The following L3MBTL1 variants were observed in gnomAD, a reference collection of about 807,000 sequenced individuals.
L3MBTL1 encodes L3MBTL histone methyl-lysine binding protein 1.
In L3MBTL1, 75 loss-of-function variants were observed where a neutral mutation model predicts 105.3. That is an observed-to-expected ratio of 0.71 (90% CI 0.59 to 0.86). L3MBTL1 has a LOEUF of 0.86. Ranked by LOEUF, L3MBTL1 falls within the 40% of genes least tolerant of loss-of-function variation. L3MBTL1 has a pLI of 0.00. For missense variants in L3MBTL1, 1,069 were observed against 1,126.4 expected (o/e 0.95, Z 0.73); for synonymous variants, 452 against 436.2 (o/e 1.04, Z -0.45).
rs764113128 is a variant in L3MBTL1 at position 43,533,350 on chromosome 20, C to A, written c.1445C>A (p.Pro482His). 2 of 1,613,578 alleles carry A rather than the reference C, an allele frequency of 1.2e-6. No homozygotes were observed. Among genetic ancestry groups the A allele is most frequent in the African/African-American group, 1.3e-5 (1 of 74,886 alleles). The stretch of plus-strand genomic sequence containing the variant: ...ATGTTCTTGGATTTCAGGTGTGATC[C>A]CAGCAGCCCCTACATCCACCCAGTG... ...WDDTYDYWCD[P>H]SSPYIHPVGW... is the part of the protein sequence containing the mutation. Residue 482 changes from proline to histidine, a missense_variant, in exon 13 of 22, where the codon CCC becomes CAC. By Grantham distance (77) the Pro-to-His change is moderately conservative. Coordinates refer to ENST00000418998, the MANE Select transcript of L3MBTL1 (RefSeq NM_001377303.1).
rs530187269 is a variant in L3MBTL1 at position 43,532,758 on chromosome 20, CT to C, written c.1285-8del. 1.2e-6 allele frequency: 2 copies of C among 1,613,910 alleles called. No individual in the cohort carries two copies. Among genetic ancestry groups the C allele is most frequent in the Non-Finnish European group, 1.7e-6 (2 of 1,179,826 alleles). The stretch of plus-strand genomic sequence containing the variant: ...AGCTTGGCCCTGGCCGTGGCAGCTC[CT>C]TTTTTTCCCCTAGAGTCCCCCACCC... On this transcript the variant is annotated splice_polypyrimidine_tract_variant and intron_variant, in intron 11 of 21. Transcript: ENST00000418998.
At position 43,536,421 on chromosome 20, in the gene L3MBTL1, T is replaced by A. The variant is rs2019627946; in HGVS notation, c.2136T>A (p.Pro712=). The A allele has an allele frequency of 6.2e-7, 1 of 1,613,924 alleles. No homozygotes were observed. Among genetic ancestry groups the A allele is most frequent in the Non-Finnish European group, 8.5e-7 (1 of 1,180,044 alleles). The part of the protein sequence containing the change: ...KPRHHGRIGR[P]PKYRKIPQED... ...CGTCTTTCTCCAGAATTGGACGCCC[T>A]CCGAAGTATCGAAAGATTCCGCAGG... The change falls in exon 19 of 22, where the codon CCT becomes CCA. Residue 712 remains proline, a synonymous_variant. Coordinates refer to ENST00000418998, the MANE Select transcript of L3MBTL1 (RefSeq NM_001377303.1).
At chr20:43,526,789 A>G (rs1053122561) in intron 7 of L3MBTL1, among the ~76,000 whole-genome samples, 1 of 152,208 alleles carries the variant, frequency 6.6e-6, no homozygotes, top group African/African-American at 2.4e-5. Context: ...CGTCTCTACT[A>G]AAGATTTAAA....
rs2019485096 is a variant in L3MBTL1 at position 43,534,191 on chromosome 20, C to T, written c.1600-93C>T. On this transcript the variant is annotated intron_variant, in intron 14 of 21. Coordinates refer to ENST00000418998, the MANE Select transcript of L3MBTL1 (RefSeq NM_001377303.1). ...CCTAGCCTTCCCCTTTGGGCAGGCC[C>T]CAGTTTCCCCAGGCACAGCATTTGG... 2.6e-5 allele frequency: 39 copies of T among 1,517,128 alleles called. 1 individual carries two copies. Among genetic ancestry groups the T allele is most frequent in the East Asian group, 4.5e-5 (2 of 44,218 alleles). 94.0% of individuals were successfully genotyped at this position (1,517,128 alleles called of 1,614,324 possible). A position where few individuals can be genotyped will look rare whatever the true frequency, so the allele number is the denominator to read the frequency against.
chr20:43,550,070 G>A (rs1978885752), exon 19 of L3MBTL1: 1 of 152,168 alleles, frequency 6.6e-6, no homozygotes, highest in African/African-American at 2.4e-5. Flanking sequence ...ACACAGCGAA[G>A]GTTGGGTTTA....
Position 43,536,277 on chromosome 20 carries a change from G to T in L3MBTL1, c.2106G>T (p.Lys702Asn). 1.2e-6 allele frequency: 2 copies of T among 1,612,310 alleles called. No individual in the cohort carries two copies. The highest frequency in any genetic ancestry group is 1.7e-6 in the Non-Finnish European group (2 of 1,179,446). ...KNLSGFSPRK[K>N]PRHHGRIGRP... ...TCTCAGGCTTCTCCCCAAGGAAGAA[G>T]CCTCGCCATCACGGCCGGTATGGAG... Residue 702 changes from lysine (K) to asparagine (N), a missense_variant, in exon 18 of 22, where the codon AAG (lysine) becomes AAT (asparagine). By Grantham distance (94) the Lys-to-Asn change is moderately conservative (BLOSUM62 0). Transcript: ENST00000418998.
intron 9 of L3MBTL1, 52 bp from the exon 10 acceptor site, chr20:43,530,232 G>A: frequency 1.2e-6 from 2 of 1,611,410 alleles, no homozygotes; most frequent in Non-Finnish European, 1.7e-6. Context: ...AGGCAGATGG[G>A]GAGTGGGGCA....
At chr20:43,515,493 A>G (rs2018342732) in intron 6 of L3MBTL1, 78 bp downstream of exon 6, 1 of 1,494,028 alleles carries the variant, frequency 6.7e-7, no homozygotes, top group Non-Finnish European at 9.0e-7. Flanking sequence ...CCATCAATCC[A>G]GATTATGGAG....
At chr20:43,513,740 C>T in intron 2 of L3MBTL1, 98 bp from the exon 3 acceptor site, 1 of 1,537,240 alleles carries the variant, frequency 6.5e-7, no homozygotes, top group Non-Finnish European at 8.8e-7. Context: ...TCACTGTCCT[C>T]CACCTGCCTT....
At chr20:43,542,090 G>A (rs1208570001), downstream of L3MBTL1, among the ~76,000 whole-genome samples, 1 of 152,152 alleles carries the variant, frequency 6.6e-6, no homozygotes, top group Non-Finnish European at 1.5e-5. Flanking sequence ...TGCACCTGTA[G>A]TCCCAGCTAC....
Position 43,529,343 on chromosome 20 carries a change from T to A in L3MBTL1, c.1031T>A (p.Met344Lys). ...GGCATTGACCCTCAACACCCGTCCA[T>A]GTACTTCATCCTCACCGTGGCTGAG... ...LEGIDPQHPS[M>K]YFILTVAEVC... The change falls in exon 9 of 22, where the codon ATG becomes AAG. Residue 344 changes from methionine to lysine, a missense_variant. Physicochemically the swap from Met to Lys is moderately conservative, Grantham distance 95. Coordinates refer to ENST00000418998, the MANE Select transcript of L3MBTL1 (RefSeq NM_001377303.1). 1 of 1,612,862 alleles carries A rather than the reference T, an allele frequency of 6.2e-7. No individual in the cohort carries two copies. Among genetic ancestry groups the A allele is most frequent in the Non-Finnish European group, 8.5e-7 (1 of 1,179,518 alleles).
intron 1 of L3MBTL1, among the ~76,000 whole-genome samples, 169 bp downstream of exon 1, chr20:43,507,913 G>A (rs535427040): frequency 1.3e-5 from 2 of 152,256 alleles, no homozygotes; most frequent in South Asian, 4.1e-4. Flanking sequence ...AAAACGCCGG[G>A]GAAAGCGGTC....
At chr20:43,535,670 G>T (rs998580167) in intron 16 of L3MBTL1, among the ~76,000 whole-genome samples, 167 bp from the exon 17 acceptor site, 4 of 152,194 alleles carry the variant, frequency 2.6e-5, no homozygotes, top group African/African-American at 9.6e-5. Flanking sequence ...TACCCAGAGA[G>T]GGGCAGATAT....
At chr20:43,540,717 T>C (rs772867235) in intron 20 of L3MBTL1, 36 bp from the exon 21 acceptor site, 6 of 1,609,420 alleles carry the variant, frequency 3.7e-6, no homozygotes, top group Non-Finnish European at 4.3e-6. Context: ...GCCTAAGCTC[T>C]GTCCCCTGGT....
At position 43,514,644 on chromosome 20, in the gene L3MBTL1, A is replaced by G; in HGVS notation, c.370A>G (p.Ser124Gly). Residue 124 changes from serine (S) to glycine (G), a missense_variant, in exon 4 of 22, where the codon AGC (serine) becomes GGC (glycine). Physicochemically the swap from Ser to Gly is moderately conservative, Grantham distance 56. Coordinates refer to ENST00000418998, the MANE Select transcript of L3MBTL1 (RefSeq NM_001377303.1). ...PPGGGLRFRISEYKPLNMAGV... is the reference protein window; with the variant it reads ...PPGGGLRFRIGEYKPLNMAGV... ...CCCTCCCGCGCTCCAGTTCCGGATAAGCGAGTATAAGCCGCTGAACATGGC... is the reference window on the plus strand; with the variant it reads ...CCCTCCCGCGCTCCAGTTCCGGATAGGCGAGTATAAGCCGCTGAACATGGC... The G allele has an allele frequency of 8.8e-6, 14 of 1,597,720 alleles. No homozygotes were observed. Among genetic ancestry groups the G allele is most frequent in the Non-Finnish European group, 1.2e-5 (14 of 1,172,262 alleles).
rs369454775 is a variant in L3MBTL1, at chr20:43,540,121, G to C, written c.2174-30G>C. ...CGGGAACAGTTTAGTCATCCTCGTT[G>C]GCCTGCCAGCCTCTGCCTCTGCTTT... On this transcript the variant is annotated intron_variant, in intron 19 of 21. Transcript: ENST00000418998. 2.7e-5 allele frequency: 44 copies of C among 1,607,520 alleles called. No homozygotes were observed. In the African/African-American group the frequency reaches 5.6e-4, roughly 20 times the overall value.
chr20:43,547,522 A>G (rs1346406359), intron 18 of L3MBTL1, among the ~76,000 whole-genome samples: 1 of 152,134 alleles, frequency 6.6e-6, no homozygotes, highest in African/African-American at 2.4e-5. Context: ...TGAAAGTTAG[A>G]TCCAAAGGCT....
At chr20:43,525,259 A>G (rs780900026) in intron 7 of L3MBTL1, among the ~76,000 whole-genome samples, 2 of 152,186 alleles carry the variant, frequency 1.3e-5, no homozygotes, top group Non-Finnish European at 2.9e-5. Flanking sequence ...TTGGTTTTAG[A>G]TCAGGCTGAG....
chr20:43,534,830 C>G lies in L3MBTL1; in HGVS notation c.1713C>G (p.Ile571Met), dbSNP rs2019522499. The change falls in exon 16 of 22, where the codon ATC becomes ATG. Residue 571 changes from isoleucine to methionine, a missense_variant and splice_region_variant. Physicochemically the swap from Ile to Met is conservative, Grantham distance 10. Coordinates refer to ENST00000418998, the MANE Select transcript of L3MBTL1 (RefSeq NM_001377303.1). Reference protein sequence around the residue: ...VEDVEDHRIKIHFDGWSHGYD... With the variant: ...VEDVEDHRIKMHFDGWSHGYD... Reference sequence around the variant, plus strand: ...TTCCAAGAGCCTTTCCTCCCCAGATCCACTTTGATGGCTGGAGTCATGGCT... The same window carrying G: ...TTCCAAGAGCCTTTCCTCCCCAGATGCACTTTGATGGCTGGAGTCATGGCT... 1.9e-6 allele frequency: 3 copies of G among 1,608,536 alleles called. No individual in the cohort carries two copies. The Admixed American group carries it at 5.1e-5, about 27-fold the overall frequency.
Sources: gnomAD v4.1 joint callset for allele counts (sites outside exome capture counted in the v4.1 genomes callset) on GRCh38, gnomAD v4.1.1 for gene constraint, MANE v1.5 for transcripts, NCBI Gene and HGNC (gene_info 2026-07-23, HGNC 2026-07-21) for gene names.